LARGE1: variants seen among roughly 807,000 people sequenced by gnomAD.
LARGE1 encodes LARGE xylosyl- and glucuronyltransferase 1, also known as xylosyl- and glucuronyltransferase LARGE1.
LARGE1 carries 43 observed loss-of-function variants against 87.6 expected under a neutral mutation model. That is an observed-to-expected ratio of 0.49 (90% CI 0.38 to 0.63). LARGE1 has a LOEUF of 0.63. Ranked by LOEUF, LARGE1 falls within the 30% of genes least tolerant of loss-of-function variation. The pLI, the probability that LARGE1 is intolerant of heterozygous loss-of-function variation, is 0.00. For synonymous variants in LARGE1, 434 were observed against 394.6 expected (o/e 1.10, Z -1.18); for missense variants, 802 against 1,000.2 (o/e 0.80, Z 2.67).
chr22:33,201,465 A>G (rs1452628242), intron 11 of LARGE1, among the ~76,000 whole-genome samples: 1 of 151,880 alleles, frequency 6.6e-6, no homozygotes, highest in African/African-American at 2.4e-5. Context: ...AAAAGAAAAC[A>G]TAGAACAGGT....
intron 6 of LARGE1, among the ~76,000 whole-genome samples, chr22:33,499,967 T>A (rs1200510101): frequency 6.6e-6 from 1 of 152,074 alleles, no homozygotes; most frequent in Non-Finnish European, 1.5e-5. Context: ...AGAGACGGGG[T>A]TTCACCACAT....
At chr22:33,628,793 C>T (rs2080010721) in intron 3 of LARGE1, among the ~76,000 whole-genome samples, 1 of 98 alleles carries the variant, frequency 0.01, no homozygotes, top group Non-Finnish European at 0.02. Flanking sequence ...CCCTATCCTC[C>T]AACCCGCAGA....
At chr22:33,317,179 C>G (rs1936256331) in intron 10 of LARGE1, among the ~76,000 whole-genome samples, 1 of 152,058 alleles carries the variant, frequency 6.6e-6, no homozygotes, top group Non-Finnish European at 1.5e-5. Flanking sequence ...GCACCACTGC[C>G]TTCCAGCCTG....
chr22:33,384,546 C>T (rs754616869), intron 7 of LARGE1, among the ~76,000 whole-genome samples: 5 of 131,366 alleles, frequency 3.8e-5, no homozygotes, highest in South Asian at 3.2e-4. Context: ...GCCAGTTACT[C>T]GATAGGAGAC....
At chr22:33,314,588 C>T (rs758270553) in intron 11 of LARGE1, among the ~76,000 whole-genome samples, 1 of 152,190 alleles carries the variant, frequency 6.6e-6, no homozygotes, top group Non-Finnish European at 1.5e-5. Flanking sequence ...GTTCTCGGCA[C>T]TGTACAGGCA....
chr22:33,919,705 C>A (rs1345546283), intron 1 of LARGE1, among the ~76,000 whole-genome samples: 1 of 152,214 alleles, frequency 6.6e-6, no homozygotes, highest in Non-Finnish European at 1.5e-5. Context: ...GTGCGGGTAT[C>A]GGTCACATGC....
At chr22:33,622,948 A>C (rs2079802089) in intron 4 of LARGE1, among the ~76,000 whole-genome samples, 1 of 152,210 alleles carries the variant, frequency 6.6e-6, no homozygotes, top group Admixed American at 6.5e-5. Flanking sequence ...TGTAGGAGTA[A>C]AAGTTTACAC....
intron 6 of LARGE1, among the ~76,000 whole-genome samples, chr22:33,470,968 T>C (rs73166293): frequency 2.6e-5 from 4 of 152,274 alleles, no homozygotes; most frequent in Non-Finnish European, 5.9e-5. Context: ...TATGATAATG[T>C]TTGTAAAATG....
At chr22:33,105,164 T>A in the LARGE1 span, among the ~76,000 whole-genome samples, 1 of 107,812 alleles carries the variant, frequency 9.3e-6, no homozygotes, top group Non-Finnish European at 2.2e-5. Context: ...AGCCCCGCTA[T>A]TTTTTTTTTG....
intron 1 of LARGE1, among the ~76,000 whole-genome samples, chr22:33,839,652 GC>G (rs1261766996): frequency 6.6e-6 from 1 of 152,176 alleles, no homozygotes; most frequent in African/African-American, 2.4e-5. Context: ...AGATTTAGTA[GC>G]CTGAACAGTT....
intron 10 of LARGE1, among the ~76,000 whole-genome samples, chr22:33,336,699 C>T (rs891204802): frequency 6.6e-6 from 1 of 152,174 alleles, no homozygotes; most frequent in Admixed American, 6.5e-5. Flanking sequence ...CTCAACGTTG[C>T]TCCTTGTTTC....
At chr22:33,221,899 A>G (rs1380605544) in intron 11 of LARGE1, 1 of 152,214 alleles carries the variant, frequency 6.6e-6, no homozygotes, top group African/African-American at 2.4e-5. Flanking sequence ...TATGACAGCA[A>G]TAAGAACACC....
chr22:33,766,925 T>C (rs1296820531), intron 1 of LARGE1, among the ~76,000 whole-genome samples: 169 of 8,350 alleles, frequency 0.02, 1 homozygote, highest in African/African-American at 0.098. Context: ...TATATATATA[T>C]ATATATATAT....
intron 1 of LARGE1, among the ~76,000 whole-genome samples, chr22:33,880,796 T>C (rs906889268): frequency 6.6e-6 from 1 of 152,222 alleles, no homozygotes; most frequent in African/African-American, 2.4e-5. Flanking sequence ...TTGACATACA[T>C]ATTAACATAA....
intron 2 of LARGE1, among the ~76,000 whole-genome samples, chr22:33,722,369 A>G (rs1321615787): frequency 2.0e-5 from 3 of 148,544 alleles, no homozygotes; most frequent in African/African-American, 7.5e-5. Flanking sequence ...GAGAGAAGAA[A>G]GGAAAGGAAG....
At chr22:33,260,529 G>A (rs980870446) in intron 11 of LARGE1, among the ~76,000 whole-genome samples, 1 of 152,040 alleles carries the variant, frequency 6.6e-6, no homozygotes, top group Non-Finnish European at 1.5e-5. Flanking sequence ...CTGGAGAAAT[G>A]AGGATCACAG....
intron 6 of LARGE1, among the ~76,000 whole-genome samples, chr22:33,482,645 G>C (rs2069377655): frequency 6.6e-6 from 1 of 152,012 alleles, no homozygotes; most frequent in African/African-American, 2.4e-5. Context: ...TCTGGCCATG[G>C]TTTGGCCACC....
chr22:33,191,959 G>T (rs768167486), intron 11 of LARGE1, among the ~76,000 whole-genome samples: 1 of 152,112 alleles, frequency 6.6e-6, no homozygotes, highest in Non-Finnish European at 1.5e-5. Flanking sequence ...ATGACTTCAA[G>T]CATAATCAGA....
intron 12 of LARGE1, among the ~76,000 whole-genome samples, chr22:33,288,612 T>A (rs1330353962): frequency 6.6e-6 from 1 of 152,200 alleles, no homozygotes; most frequent in Non-Finnish European, 1.5e-5. Flanking sequence ...CTGTGGGTCT[T>A]GTAATATATT....
Sources: allele counts gnomAD v4.1 joint callset (sites outside exome capture counted in the v4.1 genomes callset), GRCh38; gene constraint gnomAD v4.1.1; transcripts MANE v1.5; gene names NCBI Gene and HGNC (gene_info 2026-07-23, HGNC 2026-07-21).